Variants in EIF4E3 observed in about 807,000 individuals in gnomAD.
The protein encoded by EIF4E3 is eukaryotic translation initiation factor 4E type 3.
In EIF4E3, 26 loss-of-function variants were observed where a neutral mutation model predicts 31.7. The observed-to-expected ratio is 0.82, with a 90% CI of 0.60 to 1.14. The LOEUF (loss-of-function observed/expected upper bound fraction) is 1.14, where lower values mean the gene tolerates loss of function less well. Ranked by LOEUF, EIF4E3 falls within the 50% of genes most tolerant of loss-of-function variation. EIF4E3 has a pLI of 0.00. For missense variants in EIF4E3, 304 were observed against 270.9 expected, an observed-to-expected ratio of 1.12 and a Z score of -0.86; for synonymous variants, 128 against 107.7, an observed-to-expected ratio of 1.19 and a Z score of -1.17.
At chr3:71,687,615 T>G (rs548614591) in intron 6 of EIF4E3, among the ~76,000 whole-genome samples, 1 of 152,364 alleles carries the variant, frequency 6.6e-6, no homozygotes, top group East Asian at 1.9e-4. Context: ...TCAGCTGTTC[T>G]GAAGAACTTA....
chr3:71,673,731 T>C (rs1373913374), downstream of EIF4E3, among the ~76,000 whole-genome samples: 2 of 151,870 alleles, frequency 1.3e-5, no homozygotes, highest in African/African-American at 4.8e-5. Context: ...GTCAGCTCCA[T>C]GAAATAGGAA....
At chr3:71,709,200 A>G (rs745599537) in intron 2 of EIF4E3, among the ~76,000 whole-genome samples, 3 of 152,196 alleles carry the variant, frequency 2.0e-5, no homozygotes, top group Non-Finnish European at 4.4e-5. Context: ...TAGGGATACA[A>G]CAGGAAAGCT....
chr3:71,706,374 G>C (rs978381668), intron 2 of EIF4E3, among the ~76,000 whole-genome samples: 2 of 152,098 alleles, frequency 1.3e-5, no homozygotes, highest in African/African-American at 2.4e-5. Context: ...ATTTGCTAAA[G>C]GGCCTCAAAG....
chr3:71,716,435 G>A (rs965691874), intron 1 of EIF4E3, among the ~76,000 whole-genome samples: 4 of 151,994 alleles, frequency 2.6e-5, no homozygotes, highest in Admixed American at 1.3e-4. Flanking sequence ...GGGTTTCACC[G>A]TGTTAGCCAG....
At chr3:71,701,553 G>A (rs1244043670) in intron 2 of EIF4E3, among the ~76,000 whole-genome samples, 1 of 152,214 alleles carries the variant, frequency 6.6e-6, no homozygotes, top group African/African-American at 2.4e-5. Context: ...TCTGTGTGGT[G>A]AGGTAAGCAT....
intron 1 of EIF4E3, among the ~76,000 whole-genome samples, chr3:71,722,013 G>A (rs1205948594): frequency 7.1e-6 from 1 of 141,128 alleles, no homozygotes; most frequent in Non-Finnish European, 1.5e-5. Flanking sequence ...AAGGGAGAGT[G>A]ACAAGGGAGA....
chr3:71,734,708 C>T (rs1227639798), intron 1 of EIF4E3, among the ~76,000 whole-genome samples: 1 of 152,058 alleles, frequency 6.6e-6, no homozygotes, highest in Non-Finnish European at 1.5e-5. Flanking sequence ...CTGATTATAA[C>T]GTCCAGATGG....
chr3:71,684,620 T>C lies in EIF4E3; in HGVS notation c.*62A>G. On this transcript the variant is annotated 3_prime_UTR_variant, in exon 7 of 7. Transcript: ENST00000425534. The stretch of plus-strand genomic sequence containing the variant: ...CGGCAAGTCTTCTCTTCACTCTCCC[T>C]CCTGTTAAGACCGTTTCCAAAACCA... 6.2e-7 allele frequency: 1 copy of C among 1,600,582 alleles called. No individual in the cohort carries two copies. Among genetic ancestry groups the C allele is most frequent in the Non-Finnish European group, 8.6e-7 (1 of 1,169,190 alleles).
chr3:71,701,584 C>T (rs772455674), intron 2 of EIF4E3, among the ~76,000 whole-genome samples: 11 of 152,086 alleles, frequency 7.2e-5, no homozygotes, highest in Non-Finnish European at 1.5e-4. Flanking sequence ...TCTGGGTCTC[C>T]CAGTAGGTCT....
At chr3:71,664,613 C>T in the EIF4E3 span, among the ~76,000 whole-genome samples, 1 of 152,202 alleles carries the variant, frequency 6.6e-6, no homozygotes, top group Non-Finnish European at 1.5e-5. Flanking sequence ...CTTAAAAACT[C>T]ATGCCTGTAA....
At chr3:71,711,070 T>G (rs908495822) in intron 1 of EIF4E3, among the ~76,000 whole-genome samples, 1 of 152,212 alleles carries the variant, frequency 6.6e-6, no homozygotes, top group Non-Finnish European at 1.5e-5. Flanking sequence ...CAGCTGAACT[T>G]TATGGTCAGA....
chr3:71,690,348 A>C (rs2049048392), intron 5 of EIF4E3, among the ~76,000 whole-genome samples, 183 bp from the exon 6 acceptor site: 1 of 152,260 alleles, frequency 6.6e-6, no homozygotes, highest in Non-Finnish European at 1.5e-5. Flanking sequence ...AAGTCAGTGC[A>C]CAAAAGCTGT....
chr3:71,721,585 G>C lies in EIF4E3; in HGVS notation c.176+3607C>G, dbSNP rs373967491. ...GGGTGGCTTCCCCCATGCTGTTTTC[G>C]TAATAGTGAGTGAGTCTCATGAGAT... is the stretch of plus-strand genomic sequence containing the variant. On this transcript the variant is annotated intron_variant, in intron 1 of 6. Coordinates refer to ENST00000425534, the MANE Select transcript of EIF4E3 (RefSeq NM_001134651.2). Among the ~76,000 whole-genome samples the C allele has an allele frequency of 4.6e-5, 7 of 152,166 alleles. No homozygotes were observed. The East Asian group carries it at 1.4e-3, about 29-fold the overall frequency.
chr3:71,738,881 A>T (rs189225577), intron 1 of EIF4E3, among the ~76,000 whole-genome samples: 82 of 151,280 alleles, frequency 5.4e-4, no homozygotes, highest in African/African-American at 1.8e-3. Flanking sequence ...ACCAAGATAG[A>T]TTACATTCTG....
At chr3:71,688,795 C>T (rs1331059055) in intron 6 of EIF4E3, among the ~76,000 whole-genome samples, 3 of 152,208 alleles carry the variant, frequency 2.0e-5, no homozygotes, top group East Asian at 1.9e-4. Context: ...TTCTACACCA[C>T]GCAGCCAATA....
At position 71,684,088 on chromosome 3, in the gene EIF4E3, A is replaced by C. The variant is rs1472835472; in HGVS notation, c.*594T>G. 1 of 152,648 alleles carries C rather than the reference A, an allele frequency of 6.6e-6. No individual in the cohort carries two copies. The highest frequency in any genetic ancestry group is 2.4e-5 in the African/African-American group (1 of 41,462). The allele number at this position is 152,648 out of a possible 1,614,324, so 9.5% of individuals were successfully genotyped here. A position where few individuals can be genotyped will look rare whatever the true frequency, so the allele number is the denominator to read the frequency against. Reference sequence around the variant, plus strand: ...AAAATGTTTTAAAAAGGAAAATTAAAGATTTGTGTGCTGTCAGTGCAAAAT... The same window carrying C: ...AAAATGTTTTAAAAAGGAAAATTAACGATTTGTGTGCTGTCAGTGCAAAAT... On this transcript the variant is annotated 3_prime_UTR_variant, in exon 7 of 7. Coordinates refer to ENST00000425534, the MANE Select transcript of EIF4E3 (RefSeq NM_001134651.2).
chr3:71,704,558 A>C (rs2049264183), intron 2 of EIF4E3, among the ~76,000 whole-genome samples: 1 of 152,186 alleles, frequency 6.6e-6, no homozygotes, highest in African/African-American at 2.4e-5. Context: ...CTAAATCTCC[A>C]ATCTGGAGCT....
rs2048939120 is a variant in EIF4E3 at position 71,682,814 on chromosome 3, T to C, written c.*1868A>G. 1 of 152,324 alleles carries C rather than the reference T, an allele frequency of 6.6e-6. No individual in the cohort carries two copies. Among genetic ancestry groups the C allele is most frequent in the African/African-American group, 2.4e-5 (1 of 41,194 alleles). 9.4% of individuals were successfully genotyped at this position (152,324 alleles called of 1,614,324 possible). On this transcript the variant is annotated 3_prime_UTR_variant, in exon 7 of 7. Coordinates refer to ENST00000425534, the MANE Select transcript of EIF4E3 (RefSeq NM_001134651.2). ...GTCATCACAAATGCTTTAAATAAAG[T>C]TCAAAAAATAAAAATACTTCAAAAT...
chr3:71,722,224 T>C (rs2049562630), intron 1 of EIF4E3, among the ~76,000 whole-genome samples: 1 of 152,126 alleles, frequency 6.6e-6, no homozygotes, highest in South Asian at 2.1e-4. Flanking sequence ...GGGAAGGCAG[T>C]TGAGGAGGTA....
Sources: gnomAD v4.1 joint callset for allele counts (sites outside exome capture counted in the v4.1 genomes callset) on GRCh38, gnomAD v4.1.1 for gene constraint, MANE v1.5 for transcripts, NCBI Gene and HGNC (gene_info 2026-07-23, HGNC 2026-07-21) for gene names.